The following CSGALNACT1 variants were observed in gnomAD, a reference collection of about 807,000 sequenced individuals.
CSGALNACT1 encodes the protein beta4GalNAcT-1.
In CSGALNACT1, 52 loss-of-function variants were observed where a neutral mutation model predicts 51.0. The observed-to-expected ratio is 1.02, with a 90% CI of 0.82 to 1.29. The LOEUF (loss-of-function observed/expected upper bound fraction) is 1.29, where lower values mean the gene tolerates loss of function less well. Among genes scored for constraint, CSGALNACT1 ranks in the 50% most tolerant of loss-of-function variants. The probability of loss-of-function intolerance (pLI) is 0.00; values close to 1 mark genes in which losing one functional copy is unlikely to be tolerated. For synonymous variants in CSGALNACT1, 341 were observed against 254.4 expected, an observed-to-expected ratio of 1.34 and a Z score of -3.24; for missense variants, 935 against 679.2, an observed-to-expected ratio of 1.38 and a Z score of -4.19.
intron 3 of CSGALNACT1, among the ~76,000 whole-genome samples, chr8:19,509,108 G>C (rs2077936659): frequency 6.6e-6 from 1 of 152,216 alleles, no homozygotes; most frequent in Admixed American, 6.5e-5. Context: ...GTCAGAAGCA[G>C]ATAACGTGTG....
At chr8:19,753,646 C>T (rs761542873) in intron 1 of CSGALNACT1, among the ~76,000 whole-genome samples, 1 of 152,154 alleles carries the variant, frequency 6.6e-6, no homozygotes, top group South Asian at 2.1e-4. Flanking sequence ...GTAGCTGGGA[C>T]CACCACACCT....
At chr8:19,590,288 C>T (rs1295008620) in intron 3 of CSGALNACT1, among the ~76,000 whole-genome samples, 1 of 152,180 alleles carries the variant, frequency 6.6e-6, no homozygotes, top group Non-Finnish European at 1.5e-5. Context: ...TTCACAGAGG[C>T]ACTTTGAGAT....
intron 3 of CSGALNACT1, among the ~76,000 whole-genome samples, chr8:19,582,985 G>A (rs536547352): frequency 6.6e-6 from 1 of 152,204 alleles, no homozygotes; most frequent in African/African-American, 2.4e-5. Flanking sequence ...AATGGAATGG[G>A]CTAATAGCCA....
chr8:19,704,485 A>G (rs1384782110), intron 1 of CSGALNACT1, among the ~76,000 whole-genome samples: 2 of 152,222 alleles, frequency 1.3e-5, no homozygotes, highest in East Asian at 3.9e-4. Flanking sequence ...AGGAGTGTAA[A>G]TTGGTATAGC....
intron 1 of CSGALNACT1, among the ~76,000 whole-genome samples, chr8:19,698,364 G>C (rs2061686081): frequency 6.6e-6 from 1 of 152,168 alleles, no homozygotes; most frequent in African/African-American, 2.4e-5. Flanking sequence ...CTATGAATAC[G>C]ATGCACACTT....
chr8:19,474,890 A>G (rs1334494846), intron 4 of CSGALNACT1, among the ~76,000 whole-genome samples: 3 of 130,074 alleles, frequency 2.3e-5, no homozygotes, highest in African/African-American at 5.5e-5. Flanking sequence ...AAAAAAAGAA[A>G]AAAAAAAGAA....
At chr8:19,419,719 C>T (rs1429193805) in intron 7 of CSGALNACT1, among the ~76,000 whole-genome samples, 1 of 152,168 alleles carries the variant, frequency 6.6e-6, no homozygotes, top group African/African-American at 2.4e-5. Flanking sequence ...GAAAGCTGAC[C>T]TCCCAGTTGC....
At chr8:19,517,813 A>C (rs1217436642) in intron 3 of CSGALNACT1, among the ~76,000 whole-genome samples, 2 of 152,196 alleles carry the variant, frequency 1.3e-5, no homozygotes, top group East Asian at 3.9e-4. Flanking sequence ...GGTCCCTCCC[A>C]CAACATGTGG....
Position 19,482,265 on chromosome 8 carries a change from A to G in CSGALNACT1, c.634+22936T>C, listed in dbSNP as rs184403948. On this transcript the variant is annotated intron_variant, in intron 4 of 9. Coordinates refer to ENST00000454498, the Ensembl canonical transcript of CSGALNACT1. ...AAATGTGGCTAGTGAAATTGAGGAC[A>G]TACATTTTTAATTGTATATGATTTT... 6.0e-4 allele frequency among the ~76,000 whole-genome samples: 91 copies of G among 152,350 alleles called. 1 individual carries two copies. The highest frequency in any genetic ancestry group is 6.8e-3 in the Middle Eastern group (2 of 294).
chr8:19,436,680 G>A (rs2060429532), intron 6 of CSGALNACT1, among the ~76,000 whole-genome samples: 2 of 152,208 alleles, frequency 1.3e-5, no homozygotes, highest in African/African-American at 2.4e-5. Context: ...GATGAGGCAA[G>A]AGGATTGCTC....
At chr8:19,667,177 T>C (rs1388600477) in intron 1 of CSGALNACT1, among the ~76,000 whole-genome samples, 1 of 151,164 alleles carries the variant, frequency 6.6e-6, no homozygotes, top group Non-Finnish European at 1.5e-5. Flanking sequence ...TCCCAGCAAG[T>C]TGTGAGGCAG....
rs546965841 is a variant in CSGALNACT1, at chr8:19,555,004, C to T, written c.-297+36156G>A. Reference sequence around the variant, plus strand: ...CCTGTAATCCCAGCATTTAGGGACGCCGAGCGGGGGTGAATCACGTGGTCA... The same window carrying T: ...CCTGTAATCCCAGCATTTAGGGACGTCGAGCGGGGGTGAATCACGTGGTCA... On this transcript the variant is annotated intron_variant, in intron 3 of 9. Coordinates refer to ENST00000454498, the Ensembl canonical transcript of CSGALNACT1. 4.0e-5 allele frequency among the ~76,000 whole-genome samples: 6 copies of T among 151,772 alleles called. 1 individual carries two copies. Among genetic ancestry groups the T allele is most frequent in the African/African-American group, 1.5e-4 (6 of 41,256 alleles).
chr8:19,594,954 A>C (rs1019507153), intron 2 of CSGALNACT1, among the ~76,000 whole-genome samples: 1 of 152,150 alleles, frequency 6.6e-6, no homozygotes, highest in Non-Finnish European at 1.5e-5. Flanking sequence ...CACGTGTTAT[A>C]AAGTTAGAAA....
At chr8:19,632,305 T>C (rs2055375367) in intron 1 of CSGALNACT1, among the ~76,000 whole-genome samples, 1 of 152,250 alleles carries the variant, frequency 6.6e-6, no homozygotes, top group Admixed American at 6.5e-5. Context: ...CCATTTTACA[T>C]TCCAATCCTT....
chr8:19,590,911 A>G (rs1003928060), intron 3 of CSGALNACT1, among the ~76,000 whole-genome samples: 3 of 152,082 alleles, frequency 2.0e-5, no homozygotes, highest in African/African-American at 4.8e-5. Context: ...TTGGCCTCCC[A>G]AAGTGCTAGG....
intron 4 of CSGALNACT1, among the ~76,000 whole-genome samples, chr8:19,468,146 A>G (rs550942014): frequency 6.7e-6 from 1 of 149,310 alleles, no homozygotes; most frequent in Non-Finnish European, 1.5e-5. Flanking sequence ...ATCTCCACCT[A>G]CTGGAGGGTC....
chr8:19,408,570 C>T (rs1461615937), intron 9 of CSGALNACT1, 43 bp downstream of exon 8: 1 of 1,533,364 alleles, frequency 6.5e-7, no homozygotes, highest in East Asian at 2.4e-5. Context: ...CCTACATGGG[C>T]CCGTGGCCTC....
At chr8:19,622,129 T>C (rs1264843276) in intron 1 of CSGALNACT1, among the ~76,000 whole-genome samples, 2 of 152,238 alleles carry the variant, frequency 1.3e-5, no homozygotes, top group African/African-American at 4.8e-5. Context: ...GTAATATTTT[T>C]ATAATACAGG....
intron 1 of CSGALNACT1, among the ~76,000 whole-genome samples, chr8:19,724,110 T>A (rs1481129249): frequency 6.6e-6 from 1 of 152,164 alleles, no homozygotes; most frequent in Non-Finnish European, 1.5e-5. Context: ...GAGCACGAGT[T>A]GTCCAGGAAA....
Sources: allele counts gnomAD v4.1 joint callset (sites outside exome capture counted in the v4.1 genomes callset), GRCh38; gene constraint gnomAD v4.1.1; transcripts MANE v1.5; gene names NCBI Gene and HGNC (gene_info 2026-07-23, HGNC 2026-07-21).